The following TTC31 variants were observed in gnomAD, a reference collection of about 807,000 sequenced individuals.
TTC31 encodes the protein tetratricopeptide repeat protein 31.
A neutral mutation model predicts 60.4 loss-of-function variants in TTC31; 59 were observed. That is an observed-to-expected ratio of 0.98 (90% CI 0.79 to 1.21). TTC31 has a LOEUF of 1.21. Ranked by LOEUF, TTC31 falls within the 50% of genes most tolerant of loss-of-function variation. The pLI is 0.00. For synonymous variants in TTC31, 225 were observed against 249.6 expected (o/e 0.90, Z 0.93); for missense variants, 672 against 646.9 (o/e 1.04, Z -0.42).
intron 8 of TTC31, 35 bp from the exon 9 acceptor site, chr2:74,491,969 C>A (rs1673948636): frequency 6.2e-7 from 1 of 1,613,912 alleles, no homozygotes; most frequent in African/African-American, 1.3e-5. Flanking sequence ...AGGCTGAGAC[C>A]TCAAGACCTG....
Position 74,491,852 on chromosome 2 carries a change from A to G in TTC31, c.877-152A>G. 8 of 1,439,362 alleles carry G rather than the reference A, an allele frequency of 5.6e-6. No homozygotes were observed. The South Asian group carries it at 1.0e-4, about 19-fold the overall frequency. 89.2% of individuals were successfully genotyped at this position (1,439,362 alleles called of 1,614,324 possible). A position where few individuals can be genotyped will look rare whatever the true frequency, so the allele number is the denominator to read the frequency against. On this transcript the variant is annotated intron_variant, in intron 8 of 12. Coordinates refer to ENST00000233623, the MANE Select transcript of TTC31 (RefSeq NM_022492.6). ...CATGACCCCGGGTGGTTTCCTGTCT[A>G]GGAAGATAGGGCTGATACCATCTTG... is the stretch of plus-strand genomic sequence containing the variant.
Position 74,490,415 on chromosome 2 carries a change from G to A in TTC31, c.404G>A (p.Ser135Asn), listed in dbSNP as rs373087515. 3.8e-5 allele frequency: 61 copies of A among 1,613,832 alleles called. No homozygotes were observed. The highest frequency in any genetic ancestry group is 5.2e-5 in the Non-Finnish European group (61 of 1,179,956). The stretch of plus-strand genomic sequence containing the variant: ...CCCTCTGCCTCTGCCACCTTCCCCA[G>A]TGTCTCAGACAGCCTGCTTCAGGTG... ...QSPSASATFP[S>N]VSDSLLQVAM... The change falls in exon 4 of 13, where the codon AGT becomes AAT. Residue 135 changes from serine to asparagine, a missense_variant. Coordinates refer to ENST00000233623, the MANE Select transcript of TTC31 (RefSeq NM_022492.6).
chr2:74,484,808 C>T (rs1161097481), intron 2 of TTC31, among the ~76,000 whole-genome samples: 3 of 151,864 alleles, frequency 2.0e-5, no homozygotes, highest in South Asian at 4.2e-4. Flanking sequence ...AGCATTGAGG[C>T]GCTATACTCC....
At chr2:74,485,407 C>T (rs1672982032) in intron 2 of TTC31, among the ~76,000 whole-genome samples, 1 of 151,820 alleles carries the variant, frequency 6.6e-6, no homozygotes, top group Non-Finnish European at 1.5e-5. Flanking sequence ...TATCAAGACT[C>T]CTTGTATCTG....
chr2:74,491,106 A>G, intron 5 of TTC31, 22 bp from the exon 6 acceptor site: 1 of 1,614,086 alleles, frequency 6.2e-7, no homozygotes, highest in African/African-American at 1.3e-5. Context: ...AAAATACATC[A>G]TTGTTACCAT....
chr2:74,490,053 T>C lies in TTC31; in HGVS notation c.158T>C (p.Val53Ala). The C allele has an allele frequency of 6.4e-7, 1 of 1,568,276 alleles. No individual in the cohort carries two copies. Among genetic ancestry groups the C allele is most frequent in the Non-Finnish European group, 8.7e-7 (1 of 1,155,756 alleles). The part of the protein sequence containing the change: ...EDIVDFLRRL[V>A]ESDPQGLHRI... ...ATAGTGGATTTTCTTCGACGGCTTGTGGAGAGTGATCCCCAGGGCCTGCAC... is the reference window on the plus strand; with the variant it reads ...ATAGTGGATTTTCTTCGACGGCTTGCGGAGAGTGATCCCCAGGGCCTGCAC... The change falls in exon 3 of 13, where the codon GTG (valine) becomes GCG (alanine). Residue 53 changes from valine (V) to alanine (A), a missense_variant. Coordinates refer to ENST00000233623, the MANE Select transcript of TTC31 (RefSeq NM_022492.6).
chr2:74,487,117 A>G (rs1225911857), intron 2 of TTC31, among the ~76,000 whole-genome samples: 3 of 152,234 alleles, frequency 2.0e-5, no homozygotes, highest in African/African-American at 4.8e-5. Flanking sequence ...AAGATTCACA[A>G]TGATATTGGG....
At position 74,492,728 on chromosome 2, in the gene TTC31, G is replaced by C; in HGVS notation, c.1244G>C (p.Cys415Ser). The C allele has an allele frequency of 6.2e-7, 1 of 1,614,164 alleles. No individual in the cohort carries two copies. Among genetic ancestry groups the C allele is most frequent in the South Asian group, 1.1e-5 (1 of 91,088 alleles). The stretch of plus-strand genomic sequence containing the variant: ...GACGCAGCCCGAGAGCTCCGCTCTT[G>C]CCTTCTCCACCTCACACTGGTAAGG... ...QPDAARELRS[C>S]LLHLTLQGQR... Residue 415 changes from cysteine to serine, a missense_variant, in exon 12 of 13, where the codon TGC (cysteine) becomes TCC (serine). Transcript: ENST00000233623.
At position 74,494,522 on chromosome 2, in the gene TTC31, A is replaced by G. The variant is rs1289001300; in HGVS notation, c.*1304A>G. 6.6e-6 allele frequency: 1 copy of G among 152,240 alleles called. No individual in the cohort carries two copies. The highest frequency in any genetic ancestry group is 1.5e-5 in the Non-Finnish European group (1 of 68,048). 9.4% of individuals were successfully genotyped at this position (152,240 alleles called of 1,614,324 possible). ...AGAAAATACCTCCCAAGTGCCTGGT[A>G]CATAGTGGGTGCTAAATAAACCACT... On this transcript the variant is annotated 3_prime_UTR_variant, in exon 13 of 13. Coordinates refer to ENST00000233623, the MANE Select transcript of TTC31 (RefSeq NM_022492.6).
intron 2 of TTC31, chr2:74,483,713 G>T: frequency 2.2e-6 from 2 of 903,422 alleles, no homozygotes; most frequent in South Asian, 1.9e-5. Context: ...GCGGTGGCTT[G>T]TGCCTGTAAT....
intron 5 of TTC31, 138 bp from the exon 6 acceptor site, chr2:74,490,990 C>T (rs1673798400): frequency 2.4e-6 from 3 of 1,234,846 alleles, no homozygotes; most frequent in African/African-American, 3.0e-5. Context: ...CCTCTCTTGT[C>T]TGCTTTTTCA....
rs1558584675 is a variant in TTC31 at position 74,491,149 on chromosome 2, CAGG to C, written c.571_573del (p.Glu191del). On this transcript the variant is annotated inframe_deletion, in exon 6 of 13. Transcript: ENST00000233623. ...GCAGCGTCAAAAGGAACGGAAGCGA[CAGG>C]AGCGTTTGGAGCAGTACTGTGGGGA... 1.2e-6 allele frequency: 2 copies of C among 1,614,216 alleles called. No homozygotes were observed. The highest frequency in any genetic ancestry group is 2.2e-5 in the South Asian group (2 of 91,088).
chr2:74,487,881 T>G (rs1372493635), intron 2 of TTC31, among the ~76,000 whole-genome samples: 1 of 152,106 alleles, frequency 6.6e-6, no homozygotes, highest in East Asian at 1.9e-4. Flanking sequence ...GGTTTCGCCA[T>G]GTTGGCCAGG....
chr2:74,485,469 CTTTT>C (rs367876253), intron 2 of TTC31, among the ~76,000 whole-genome samples: 6 of 115,276 alleles, frequency 5.2e-5, no homozygotes, highest in Non-Finnish European at 5.7e-5. Context: ...AGCAGTATTT[CTTTT>C]TTTTTTTTTT....
chr2:74,491,161 G>T lies in TTC31; in HGVS notation c.580G>T (p.Glu194Ter). 1.2e-6 allele frequency: 2 copies of T among 1,614,212 alleles called. No individual in the cohort carries two copies. Among genetic ancestry groups the T allele is most frequent in the Non-Finnish European group, 1.7e-6 (2 of 1,180,032 alleles). ...QKERKRQERL[E>*]QYCGEPKAST... Reference sequence around the variant, plus strand: ...GGAACGGAAGCGACAGGAGCGTTTGGAGCAGTACTGTGGGGAGCCCAAGGT... The same window carrying T: ...GGAACGGAAGCGACAGGAGCGTTTGTAGCAGTACTGTGGGGAGCCCAAGGT... The change falls in exon 6 of 13, where the codon GAG (glutamate) becomes TAG (stop). Residue 194 changes from glutamate to a stop codon, truncating the protein, a stop_gained. Coordinates refer to ENST00000233623, the MANE Select transcript of TTC31 (RefSeq NM_022492.6). LOFTEE classifies it high-confidence loss of function.
Position 74,491,673 on chromosome 2 carries a change from G to C in TTC31, c.876+1G>C. 6.2e-7 allele frequency: 1 copy of C among 1,613,938 alleles called. No homozygotes were observed. Among genetic ancestry groups the C allele is most frequent in the Non-Finnish European group, 8.5e-7 (1 of 1,179,892 alleles). ...GCCCCAGCAGAGTCCAAAGGTACAGGTGAGGTGGCTGAAGAACCTTATTCA... is the reference window on the plus strand; with the variant it reads ...GCCCCAGCAGAGTCCAAAGGTACAGCTGAGGTGGCTGAAGAACCTTATTCA... On this transcript the variant is annotated splice_donor_variant, in intron 8 of 12. Transcript: ENST00000233623. LOFTEE classifies it high-confidence loss of function.
rs115008434 is a variant in TTC31 at position 74,492,183 on chromosome 2, G to A, written c.973G>A (p.Val325Met). 1,278 of 1,614,224 alleles carry A rather than the reference G, an allele frequency of 7.9e-4. 8 individuals are homozygous for A. The African/African-American group carries it at 8.4e-3, about 11-fold the overall frequency. The change falls in exon 10 of 13, where the codon GTG becomes ATG. Residue 325 changes from valine to methionine, a missense_variant. Physicochemically the swap from Val to Met is conservative, Grantham distance 21. Transcript: ENST00000233623. Reference protein sequence around the residue: ...FAQNGFYHEAVVLFTQALKLN... With the variant: ...FAQNGFYHEAMVLFTQALKLN... ...TCAAAATGGTTTCTACCATGAGGCC[G>A]TGGTCCTCTTCACCCAGGCCTTGAA...
At chr2:74,489,993 C>G (rs1673621348) in intron 2 of TTC31, 32 bp from the exon 3 acceptor site, 1 of 1,466,560 alleles carries the variant, frequency 6.8e-7, no homozygotes, top group Non-Finnish European at 9.3e-7. Context: ...GCCCCCAACA[C>G]CAGCCTCCCC....
rs369948236 is a variant in TTC31 at position 74,492,647 on chromosome 2, G to A, written c.1163G>A (p.Arg388His). Reference protein sequence around the residue: ...RLGKALMGLQRFREAAAVFQE... With the variant: ...RLGKALMGLQHFREAAAVFQE... ...TTTCTGATCCCTCTGGGACCAAAGC[G>A]CTTCAGAGAGGCAGCTGCTGTGTTT... Residue 388 changes from arginine to histidine, a missense_variant and splice_region_variant, in exon 12 of 13, where the codon CGC becomes CAC. Transcript: ENST00000233623. The A allele has an allele frequency of 2.7e-5, 43 of 1,614,064 alleles. No homozygotes were observed. Among genetic ancestry groups the A allele is most frequent in the Admixed American group, 3.3e-5 (2 of 60,000 alleles).
Sources: allele counts gnomAD v4.1 joint callset (sites outside exome capture counted in the v4.1 genomes callset), GRCh38; gene constraint gnomAD v4.1.1; transcripts MANE v1.5; gene names NCBI Gene and HGNC (gene_info 2026-07-23, HGNC 2026-07-21).